SSBP3: variants seen among roughly 807,000 people sequenced by gnomAD.
The protein encoded by SSBP3 is single-stranded DNA-binding protein 3.
In SSBP3, 5 loss-of-function variants were observed where a neutral mutation model predicts 69.6. The ratio of observed to expected loss-of-function variants is 0.07; its 90% CI spans 0.04 to 0.15. SSBP3 has a LOEUF of 0.15. SSBP3 is among the 10% of genes least tolerant of loss of function. SSBP3 has a pLI of 1.00. For synonymous variants in SSBP3, 196 were observed against 193.4 expected (o/e 1.01, Z -0.11); for missense variants, 312 against 534.0 (o/e 0.58, Z 4.10).
chr1:54,233,955 C>G (rs1644438582), intron 14 of SSBP3, among the ~76,000 whole-genome samples: 1 of 152,220 alleles, frequency 6.6e-6, no homozygotes, highest in South Asian at 2.1e-4. Context: ...GTTGCCGTGT[C>G]TGTGTAGAAA....
intron 4 of SSBP3, among the ~76,000 whole-genome samples, chr1:54,327,018 G>A (rs12731866): frequency 0.054 from 8,222 of 152,062 alleles, 309 homozygotes; most frequent in South Asian, 0.13. Flanking sequence ...TTCAAGGACA[G>A]GCAACGCCAG....
intron 4 of SSBP3, among the ~76,000 whole-genome samples, chr1:54,369,948 T>C (rs146961785): frequency 2.0e-5 from 3 of 152,220 alleles, no homozygotes; most frequent in East Asian, 1.9e-4. Flanking sequence ...AAAACCATCC[T>C]TGCAACATCC....
chr1:54,243,537 A>G (rs896197104), intron 9 of SSBP3, among the ~76,000 whole-genome samples: 2 of 152,232 alleles, frequency 1.3e-5, no homozygotes, highest in African/African-American at 4.8e-5. Context: ...AGGAGCTTTC[A>G]AGATGAAGTT....
chr1:54,263,108 C>T (rs996211427), intron 5 of SSBP3, among the ~76,000 whole-genome samples: 13 of 152,142 alleles, frequency 8.5e-5, no homozygotes, highest in African/African-American at 2.4e-4. Context: ...TGGGTGTGAT[C>T]GAGGCAAACA....
At chr1:54,405,679 C>T (rs1649683946) in intron 1 of SSBP3, among the ~76,000 whole-genome samples, 1 of 151,860 alleles carries the variant, frequency 6.6e-6, no homozygotes, top group African/African-American at 2.4e-5. Flanking sequence ...CGGGCCCCCG[C>T]GCTCGACCCG....
chr1:54,348,559 G>A (rs1409774272), intron 4 of SSBP3, among the ~76,000 whole-genome samples: 1 of 152,216 alleles, frequency 6.6e-6, no homozygotes, highest in Non-Finnish European at 1.5e-5. Flanking sequence ...TTCCGTCCAG[G>A]GGTTGGGCTT....
At chr1:54,278,381 T>A (rs1003917500) in intron 5 of SSBP3, among the ~76,000 whole-genome samples, 4 of 151,982 alleles carry the variant, frequency 2.6e-5, no homozygotes, top group Non-Finnish European at 4.4e-5. Flanking sequence ...GCCATCTCCC[T>A]GCCAGCCCTT....
chr1:54,406,055 C>CGCCGCA, exon 1 of SSBP3: 1 of 1,380,960 alleles, frequency 7.2e-7, no homozygotes, highest in Non-Finnish European at 9.7e-7. Context: ...CCGCCGCCGC[C>CGCCGCA]GCCGCTACCG....
intron 5 of SSBP3, among the ~76,000 whole-genome samples, chr1:54,271,480 G>A (rs1486956819): frequency 1.3e-5 from 2 of 152,302 alleles, no homozygotes; most frequent in East Asian, 1.9e-4. Flanking sequence ...TTTGCTGCGC[G>A]ACTGTTCCTA....
chr1:54,305,633 A>AAAG (rs1553135348), intron 4 of SSBP3, among the ~76,000 whole-genome samples: 7 of 148,916 alleles, frequency 4.7e-5, no homozygotes, highest in Admixed American at 3.3e-4. Context: ...AAAAAAAAAA[A>AAAG]AGAGAGAGAG....
chr1:54,282,647 C>A (rs899822647), intron 4 of SSBP3, among the ~76,000 whole-genome samples: 9 of 152,248 alleles, frequency 5.9e-5, no homozygotes, highest in African/African-American at 2.2e-4. Context: ...CGGGGCGGGG[C>A]GAGGCTGAGA....
At chr1:54,226,877 C>T in exon 18 of SSBP3, 1 of 502,126 alleles carries the variant, frequency 2.0e-6, no homozygotes, top group East Asian at 3.8e-5. Context: ...TGGGATTTTT[C>T]TGGTCACTGA....
At chr1:54,369,874 ATTTTT>A (rs530624849) in intron 4 of SSBP3, among the ~76,000 whole-genome samples, 1 of 151,032 alleles carries the variant, frequency 6.6e-6, no homozygotes, top group African/African-American at 2.4e-5. Flanking sequence ...ACATTGCTCC[ATTTTT>A]TTTTACCCTG....
intron 17 of SSBP3, 152 bp from the exon 18 acceptor site, chr1:54,227,312 T>C: frequency 3.0e-6 from 2 of 664,696 alleles, no homozygotes; most frequent in Non-Finnish European, 2.7e-6. Context: ...TGGCATGGAG[T>C]GGGCAGGGGG....
chr1:54,289,579 T>C (rs1202313856), intron 4 of SSBP3, among the ~76,000 whole-genome samples: 1 of 152,024 alleles, frequency 6.6e-6, no homozygotes, highest in Admixed American at 6.6e-5. Context: ...ACAGGCAAGG[T>C]GCTCTGGGCA....
At chr1:54,355,935 C>G (rs184151298) in intron 4 of SSBP3, among the ~76,000 whole-genome samples, 1 of 152,200 alleles carries the variant, frequency 6.6e-6, no homozygotes. Flanking sequence ...ACGCAGTGCT[C>G]GTGCCATCAA....
chr1:54,275,309 G>A (rs1209503502), intron 5 of SSBP3, among the ~76,000 whole-genome samples: 2 of 152,244 alleles, frequency 1.3e-5, no homozygotes, highest in Non-Finnish European at 2.9e-5. Flanking sequence ...CCGCCACCAA[G>A]CTTCCACTAG....
At chr1:54,300,089 T>C (rs541842526) in intron 4 of SSBP3, among the ~76,000 whole-genome samples, 1 of 152,054 alleles carries the variant, frequency 6.6e-6, no homozygotes, top group African/African-American at 2.4e-5. Flanking sequence ...GACAAGAAAA[T>C]GGAAGGCCGA....
intron 4 of SSBP3, among the ~76,000 whole-genome samples, chr1:54,310,573 C>T (rs1174682237): frequency 2.0e-5 from 3 of 152,166 alleles, no homozygotes; most frequent in Non-Finnish European, 4.4e-5. Context: ...CCATTCCCAA[C>T]ACACCCCAAC....
Sources: allele counts gnomAD v4.1 joint callset (sites outside exome capture counted in the v4.1 genomes callset), GRCh38; gene constraint gnomAD v4.1.1; transcripts MANE v1.5; gene names NCBI Gene and HGNC (gene_info 2026-07-23, HGNC 2026-07-21).